The following FAM149A variants were observed in gnomAD, a reference collection of about 807,000 sequenced individuals.
The protein encoded by FAM149A is protein FAM149A.
A neutral mutation model predicts 78.2 loss-of-function variants in FAM149A; 71 were observed. The observed-to-expected ratio is 0.91, with a 90% CI of 0.75 to 1.11. The LOEUF is 1.11. Ranked by LOEUF, FAM149A falls within the 50% of genes least tolerant of loss-of-function variation. FAM149A has a pLI of 0.00. For synonymous variants in FAM149A, 446 were observed against 410.5 expected, an observed-to-expected ratio of 1.09 and a Z score of -1.04; for missense variants, 1,036 against 971.0, an observed-to-expected ratio of 1.07 and a Z score of -0.89.
Position 186,105,278 on chromosome 4 carries a change from C to G in FAM149A, c.202C>G (p.Arg68Gly). 1 of 1,192,356 alleles carries G rather than the reference C, an allele frequency of 8.4e-7. No individual in the cohort carries two copies. Among genetic ancestry groups the G allele is most frequent in the South Asian group, 1.5e-5 (1 of 66,096 alleles). The allele number at this position is 1,192,356 out of a possible 1,614,324, so 73.9% of individuals were successfully genotyped here. ...TCCGGACTCCCCCTCCGCCTCGCGG[C>G]GGTCGCCCGCCCCGCTGCTCTCCTC... is the stretch of plus-strand genomic sequence containing the variant. Residue 68 changes from arginine to glycine, a missense_variant, in exon 1 of 14, where the codon CGG becomes GGG. This residue lies in a region of FAM149A where 316 missense variants were observed against 241.9 expected (regional missense o/e 1.31). Transcript: ENST00000389354.
intron 10 of FAM149A, 29 bp downstream of exon 10, chr4:186,163,662 A>G (rs1734792803): frequency 3.2e-6 from 5 of 1,553,282 alleles, no homozygotes; most frequent in Non-Finnish European, 3.5e-6. Context: ...ATAGTAAACT[A>G]AAGGCCACGG....
intron 11 of FAM149A, among the ~76,000 whole-genome samples, chr4:186,166,338 A>T (rs1474295321): frequency 2.0e-5 from 3 of 152,204 alleles, no homozygotes. Context: ...GTTCATGTTT[A>T]ACCTTAGAAT....
chr4:186,109,047 C>A, intron 1 of FAM149A: 1 of 206,826 alleles, frequency 4.8e-6, no homozygotes, highest in South Asian at 1.7e-4. Flanking sequence ...AGGGGTTTCA[C>A]CATGTTAGCC....
intron 1 of FAM149A, chr4:186,116,433 TTCTATTACAGTCATATGACCATTACTG>T (rs1179040174): frequency 2.0e-6 from 2 of 982,626 alleles, no homozygotes; most frequent in African/African-American, 1.7e-5. Flanking sequence ...GACCGTTACT[TTCTATTACAGTCATATGACCATTACTG>T]TCATTAAAGA....
chr4:186,127,325 G>T, intron 1 of FAM149A: 1 of 984,596 alleles, frequency 1.0e-6, no homozygotes, highest in Non-Finnish European at 1.2e-6. Flanking sequence ...ATAAGAAGTA[G>T]GTTTACTTCA....
chr4:186,124,496 G>C (rs1401207377), intron 1 of FAM149A, among the ~76,000 whole-genome samples: 1 of 145,926 alleles, frequency 6.9e-6, no homozygotes, highest in South Asian at 2.2e-4. Flanking sequence ...TCCCACCTAT[G>C]AGTGAGAACA....
At chr4:186,108,529 G>A (rs2099309722) in intron 1 of FAM149A, among the ~76,000 whole-genome samples, 1 of 151,822 alleles carries the variant, frequency 6.6e-6, no homozygotes, top group African/African-American at 2.4e-5. Flanking sequence ...AGCAGCAGGG[G>A]TTTTTAATCT....
At chr4:186,124,101 C>G in intron 1 of FAM149A, 1 of 984,902 alleles carries the variant, frequency 1.0e-6, no homozygotes, top group South Asian at 4.7e-5. Flanking sequence ...GAGGTGTATC[C>G]TTGGTCAGAA....
In FAM149A at chr4:186,105,493, G is replaced by A. The variant is rs1305310697; in HGVS notation, c.417G>A (p.Ala139=). 2.5e-6 allele frequency: 3 copies of A among 1,198,346 alleles called. No homozygotes were observed. The highest frequency in any genetic ancestry group is 3.2e-6 in the Non-Finnish European group (3 of 951,690). The allele number at this position is 1,198,346 out of a possible 1,614,324, so 74.2% of individuals were successfully genotyped here. A position where few individuals can be genotyped will look rare whatever the true frequency, so the allele number is the denominator to read the frequency against. Residue 139 remains alanine, a synonymous_variant, in exon 1 of 14, where the codon GCG becomes GCA. Coordinates refer to ENST00000389354, the MANE Select transcript of FAM149A (RefSeq NM_001367768.3). The stretch of plus-strand genomic sequence containing the variant: ...CGGGCCCCGGCGGGGTCTGGGCCGC[G>A]CTCCCCAGGAACCCGCTCCAGCCTG...
chr4:186,167,471 G>A (rs1320618204), intron 13 of FAM149A: 3 of 636,308 alleles, frequency 4.7e-6, no homozygotes, highest in Non-Finnish European at 5.8e-6. Flanking sequence ...TCAAGAAGAG[G>A]GGAATGTCCA....
At chr4:186,146,247 A>G (rs891985730) in intron 1 of FAM149A, among the ~76,000 whole-genome samples, 3 of 152,214 alleles carry the variant, frequency 2.0e-5, no homozygotes, top group Non-Finnish European at 4.4e-5. Flanking sequence ...AGCTCAAGAA[A>G]TTGCTTAAAA....
At chr4:186,125,998 A>C in intron 1 of FAM149A, 1 of 985,310 alleles carries the variant, frequency 1.0e-6, no homozygotes, top group Non-Finnish European at 1.2e-6. Context: ...CCCAAATTCT[A>C]ACCTCTAGAG....
In FAM149A at chr4:186,173,489, AT is replaced by A. The variant is rs1486506404; in HGVS notation, c.*1504del. Reference sequence around the variant, plus strand: ...TGCTTCAGCCTCCTGGGTAGCTAGGATTACAGGTGCATGCCACCACACCCAG... The same window carrying A: ...TGCTTCAGCCTCCTGGGTAGCTAGGATACAGGTGCATGCCACCACACCCAG... On this transcript the variant is annotated 3_prime_UTR_variant, in exon 14 of 14. Coordinates refer to ENST00000389354, the MANE Select transcript of FAM149A (RefSeq NM_001367768.3). Among the ~76,000 whole-genome samples, 2 of 111,418 alleles carry A rather than the reference AT, an allele frequency of 1.8e-5. 1 individual carries two copies. Among genetic ancestry groups the A allele is most frequent in the Non-Finnish European group, 4.5e-5 (2 of 44,198 alleles). The allele number at this position is 111,418 out of a possible 152,430, so 73.1% of individuals were successfully genotyped here.
intron 1 of FAM149A, among the ~76,000 whole-genome samples, chr4:186,120,087 T>G (rs2099315326): frequency 6.6e-6 from 1 of 152,232 alleles, no homozygotes; most frequent in Non-Finnish European, 1.5e-5. Context: ...CAGATGAATG[T>G]GATCATTGAT....
At chr4:186,139,461 A>G (rs960305754) in intron 1 of FAM149A, among the ~76,000 whole-genome samples, 1 of 152,136 alleles carries the variant, frequency 6.6e-6, no homozygotes, top group African/African-American at 2.4e-5. Flanking sequence ...GCCTTTATGA[A>G]GGAGGCCCTG....
chr4:186,165,495 C>T (rs1298221220), intron 11 of FAM149A, 31 bp downstream of exon 11: 2 of 1,611,690 alleles, frequency 1.2e-6, no homozygotes, highest in Non-Finnish European at 1.7e-6. Flanking sequence ...TTTCAGTGGA[C>T]CATTTAGGTT....
rs534277768 is a variant in FAM149A at position 186,108,908 on chromosome 4, C to T, written c.566+3266C>T. 5.1e-3 allele frequency among the ~76,000 whole-genome samples: 766 copies of T among 149,328 alleles called. 11 individuals are homozygous for T. Among genetic ancestry groups the T allele is most frequent in the African/African-American group, 0.018 (722 of 40,592 alleles). ...TGTCGCCCAGGCTGGAGTGCAGTGG[C>T]GCGATCTCGGCTCACTGCAAGCTCC... is the stretch of plus-strand genomic sequence containing the variant. On this transcript the variant is annotated intron_variant, in intron 1 of 13. Coordinates refer to ENST00000389354, the MANE Select transcript of FAM149A (RefSeq NM_001367768.3).
chr4:186,157,078 A>G (rs1454424884), intron 7 of FAM149A, among the ~76,000 whole-genome samples: 1 of 152,196 alleles, frequency 6.6e-6, no homozygotes, highest in Non-Finnish European at 1.5e-5. Context: ...TAATAATGAG[A>G]TATTTGTTTT....
In FAM149A at chr4:186,163,025, G is replaced by T. The variant is rs75674583; in HGVS notation, c.1679+77G>T. On this transcript the variant is annotated intron_variant, in intron 9 of 13. Coordinates refer to ENST00000389354, the MANE Select transcript of FAM149A (RefSeq NM_001367768.3). ...CACTGGAGCACTGAAGACTGCAGGG[G>T]ACATGAGATCACGAAGGTCCCATTT... is the stretch of plus-strand genomic sequence containing the variant. 2,818 of 857,098 alleles carry T rather than the reference G, an allele frequency of 3.3e-3. 66 individuals carry two copies. The African/African-American group carries it at 0.043, about 13-fold the overall frequency. 53.1% of individuals were successfully genotyped at this position (857,098 alleles called of 1,614,324 possible).
Sources: allele counts gnomAD v4.1 joint callset (sites outside exome capture counted in the v4.1 genomes callset), GRCh38; gene constraint gnomAD v4.1.1; regional missense constraint gnomAD v4.1.1; transcripts MANE v1.5; gene names NCBI Gene and HGNC (gene_info 2026-07-23, HGNC 2026-07-21).